The following PRKN variants were observed in gnomAD, a reference collection of about 807,000 sequenced individuals.
The protein encoded by PRKN is parkin RBR E3 ubiquitin protein ligase.
In PRKN, 56 loss-of-function variants were observed where a neutral mutation model predicts 59.5. The ratio of observed to expected loss-of-function variants is 0.94; its 90% CI spans 0.76 to 1.18. The LOEUF is 1.18. PRKN is among the 50% of genes most tolerant of loss of function. The pLI is 0.00. For missense variants in PRKN, 657 were observed against 596.4 expected, an observed-to-expected ratio of 1.10 and a Z score of -1.06; for synonymous variants, 250 against 222.1, an observed-to-expected ratio of 1.13 and a Z score of -1.12.
intron 2 of PRKN, among the ~76,000 whole-genome samples, chr6:162,289,430 T>A (rs1378340637): frequency 1.3e-5 from 2 of 151,992 alleles, no homozygotes; most frequent in African/African-American, 4.8e-5. Context: ...CCAGGCATAG[T>A]GGCTCATGCC....
chr6:161,999,318 T>C (rs1781959745), intron 5 of PRKN, among the ~76,000 whole-genome samples: 1 of 152,092 alleles, frequency 6.6e-6, no homozygotes. Context: ...TTTCAGGAAG[T>C]GAACTCCTCT....
In PRKN at chr6:161,352,361, C is replaced by A. The variant is rs114453859; in HGVS notation, c.1286-2150G>T. On this transcript the variant is annotated intron_variant, in intron 11 of 11. Coordinates refer to ENST00000366898, the MANE Select transcript of PRKN (RefSeq NM_004562.3). This position sits in a 1 kb window ranked among gnomAD's most constrained non-coding sequence, Gnocchi z 5.8. Reference sequence around the variant, plus strand: ...ATCCTTTCTGGCTTGTTTTAAAGATCATAAATTACAGATCTGTGGAAAATA... The same window carrying A: ...ATCCTTTCTGGCTTGTTTTAAAGATAATAAATTACAGATCTGTGGAAAATA... Among the ~76,000 whole-genome samples, 1,085 of 152,192 alleles carry A rather than the reference C, an allele frequency of 7.1e-3. 16 individuals carry two copies. The highest frequency in any genetic ancestry group is 0.025 in the African/African-American group (1,036 of 41,516).
At chr6:162,660,373 C>T (rs1043187346) in intron 1 of PRKN, among the ~76,000 whole-genome samples, 117 of 152,294 alleles carry the variant, frequency 7.7e-4, no homozygotes, top group African/African-American at 2.6e-3. Flanking sequence ...ATGCAGTGTT[C>T]TCTAGTTCTG....
At chr6:161,989,994 T>C (rs1035366519) in intron 5 of PRKN, among the ~76,000 whole-genome samples, 17 of 152,266 alleles carry the variant, frequency 1.1e-4, no homozygotes, top group African/African-American at 3.6e-4. Flanking sequence ...TGCCTGCATA[T>C]GCTGACTAGG....
chr6:162,332,360 C>G (rs1209249633), intron 2 of PRKN, among the ~76,000 whole-genome samples: 3 of 152,214 alleles, frequency 2.0e-5, no homozygotes, highest in Non-Finnish European at 2.9e-5. Context: ...GTCAACACAG[C>G]ACACAACCTG....
chr6:161,895,569 G>A lies in PRKN; in HGVS notation c.734+77733C>T, dbSNP rs35579839. Among the ~76,000 whole-genome samples the A allele has an allele frequency of 6.0e-4, 66 of 110,204 alleles. 3 individuals are homozygous for A. The East Asian group carries it at 8.0e-3, about 13-fold the overall frequency. 72.3% of individuals were successfully genotyped at this position (110,204 alleles called of 152,430 possible). A position where few individuals can be genotyped will look rare whatever the true frequency, so the allele number is the denominator to read the frequency against. On this transcript the variant is annotated intron_variant, in intron 6 of 11. Transcript: ENST00000366898. Reference sequence around the variant, plus strand: ...CAGGAGCACGCCCACCCCACCTGCCGTTATACACCCCAGTGAGGCTTCTGA... The same window carrying A: ...CAGGAGCACGCCCACCCCACCTGCCATTATACACCCCAGTGAGGCTTCTGA...
At chr6:162,447,534 G>A (rs1330299793) in intron 1 of PRKN, among the ~76,000 whole-genome samples, 2 of 152,070 alleles carry the variant, frequency 1.3e-5, no homozygotes, top group African/African-American at 2.4e-5. Context: ...AACATAATGA[G>A]ATATATCCAG....
chr6:161,870,924 G>A (rs1239145771), intron 6 of PRKN, among the ~76,000 whole-genome samples: 1 of 151,932 alleles, frequency 6.6e-6, no homozygotes, highest in African/African-American at 2.4e-5. Flanking sequence ...ATGAGACATG[G>A]GGAAAAATAC....
intron 1 of PRKN, chr6:162,569,808 C>A (rs571355248): frequency 2.4e-4 from 112 of 460,438 alleles, no homozygotes; most frequent in South Asian, 2.1e-3. Context: ...TGCAGCGGAG[C>A]ACAGGGAATG....
intron 6 of PRKN, among the ~76,000 whole-genome samples, chr6:161,788,621 A>C (rs1790518179): frequency 6.6e-6 from 1 of 152,188 alleles, no homozygotes; most frequent in African/African-American, 2.4e-5. Context: ...ACCAGGTAAC[A>C]GTGGGTTACC....
chr6:161,930,824 G>A (rs932600090), intron 6 of PRKN, among the ~76,000 whole-genome samples: 5 of 152,202 alleles, frequency 3.3e-5, no homozygotes, highest in Non-Finnish European at 7.3e-5. Flanking sequence ...GATAGTCAGT[G>A]TCAGAGTGAC....
At chr6:161,737,290 GT>G (rs1788003070) in intron 7 of PRKN, among the ~76,000 whole-genome samples, 1 of 152,186 alleles carries the variant, frequency 6.6e-6, no homozygotes, top group Non-Finnish European at 1.5e-5. Flanking sequence ...CCAGAACAAT[GT>G]CCCTTAAGAG....
In PRKN at chr6:161,491,714, T is replaced by A. The variant is rs1270937465; in HGVS notation, c.1083+57140A>T. On this transcript the variant is annotated intron_variant, in intron 9 of 11. Coordinates refer to ENST00000366898, the MANE Select transcript of PRKN (RefSeq NM_004562.3). Reference sequence around the variant, plus strand: ...GGCGCGATCTTGGCTCACTGGAACCTCTGCCTCCCAGGTTCAAGCAATTCT... The same window carrying A: ...GGCGCGATCTTGGCTCACTGGAACCACTGCCTCCCAGGTTCAAGCAATTCT... 2.0e-5 allele frequency among the ~76,000 whole-genome samples: 3 copies of A among 151,986 alleles called. No individual in the cohort carries two copies. The East Asian group carries it at 5.8e-4, about 29-fold the overall frequency.
rs913467135 is a variant in PRKN, at chr6:161,460,490, G to T, written c.1084-73613C>A. Among the ~76,000 whole-genome samples, 2 of 152,120 alleles carry T rather than the reference G, an allele frequency of 1.3e-5. No individual in the cohort carries two copies. The highest frequency in any genetic ancestry group is 4.8e-5 in the African/African-American group (2 of 41,408). On this transcript the variant is annotated intron_variant, in intron 9 of 11. Transcript: ENST00000366898. This position sits in a 1 kb window ranked among gnomAD's most constrained non-coding sequence, Gnocchi z 5.0. ...AGCATATCAGCAGGAAGGGCCAGGG[G>T]ACACTTCTCTGAACCCCCGTGATCA...
intron 9 of PRKN, among the ~76,000 whole-genome samples, chr6:161,516,730 G>A (rs749536843): frequency 6.8e-6 from 1 of 148,114 alleles, no homozygotes; most frequent in Non-Finnish European, 1.5e-5. Flanking sequence ...AGGAGGCTGA[G>A]GCAGGAGAAT....
At position 161,971,851 on chromosome 6, in the gene PRKN, A is replaced by C. The variant is rs12194272; in HGVS notation, c.734+1451T>G. Among the ~76,000 whole-genome samples, 1,086 of 152,330 alleles carry C rather than the reference A, an allele frequency of 7.1e-3. 10 individuals carry two copies. Among genetic ancestry groups the C allele is most frequent in the Admixed American group, 0.014 (209 of 15,306 alleles). Reference sequence around the variant, plus strand: ...TTAAAGCAACTTTAAAAGACCATCTAATACAGTTCCAAAAGCCAGAGAGAG... The same window carrying C: ...TTAAAGCAACTTTAAAAGACCATCTCATACAGTTCCAAAAGCCAGAGAGAG... On this transcript the variant is annotated intron_variant, in intron 6 of 11. Coordinates refer to ENST00000366898, the MANE Select transcript of PRKN (RefSeq NM_004562.3).
rs2186814 is a variant in PRKN, at chr6:162,468,015, A to T, written c.8-24542T>A. 5.3e-5 allele frequency among the ~76,000 whole-genome samples: 8 copies of T among 152,252 alleles called. No individual in the cohort carries two copies. In the East Asian group the frequency reaches 1.5e-3, roughly 29 times the overall value. ...CTTCCTGTGACCACCCTAATTAAGC[A>T]GCCTCCCTAACTACTCTCTCATCAC... On this transcript the variant is annotated intron_variant, in intron 1 of 11. Coordinates refer to ENST00000366898, the MANE Select transcript of PRKN (RefSeq NM_004562.3).
In PRKN at chr6:161,377,357, G is replaced by A. The variant is rs1471844025; in HGVS notation, c.1167+9437C>T. 3.3e-5 allele frequency among the ~76,000 whole-genome samples: 5 copies of A among 152,372 alleles called. No individual in the cohort carries two copies. The highest frequency in any genetic ancestry group is 1.9e-4 in the East Asian group (1 of 5,180). Reference sequence around the variant, plus strand: ...CTCAGACCCCCGTGCCATCCACACCGTGGCATGACTGCCTCTCCTTGGGCT... The same window carrying A: ...CTCAGACCCCCGTGCCATCCACACCATGGCATGACTGCCTCTCCTTGGGCT... On this transcript the variant is annotated intron_variant, in intron 10 of 11. Transcript: ENST00000366898. The surrounding 1 kb of genome is among the most constrained non-coding windows in gnomAD (Gnocchi z 4.2).
chr6:161,696,596 T>C (rs1037837782), intron 7 of PRKN, among the ~76,000 whole-genome samples: 2 of 152,224 alleles, frequency 1.3e-5, no homozygotes, highest in African/African-American at 4.8e-5. Flanking sequence ...TCTTTCTATT[T>C]CTGTAACAGC....
Sources: allele counts gnomAD v4.1 joint callset (sites outside exome capture counted in the v4.1 genomes callset), GRCh38; gene constraint gnomAD v4.1.1; non-coding constraint Gnocchi (gnomAD v3.1); transcripts MANE v1.5; gene names NCBI Gene and HGNC (gene_info 2026-07-23, HGNC 2026-07-21).